Variants in SYNE1 observed in about 807,000 individuals in gnomAD.
SYNE1 encodes the protein spectrin repeat containing nuclear envelope protein 1.
SYNE1 carries 616 observed loss-of-function variants against 1,111.0 expected under a neutral mutation model. The ratio of observed to expected loss-of-function variants is 0.55; its 90% CI spans 0.52 to 0.59. The LOEUF is 0.59. Among genes scored for constraint, SYNE1 ranks in the 20% least tolerant of loss-of-function variants. The pLI, the probability that SYNE1 is intolerant of heterozygous loss-of-function variation, is 0.00. For missense variants in SYNE1, 10,006 were observed against 10,417.0 expected, an observed-to-expected ratio of 0.96 and a Z score of 1.72; for synonymous variants, 3,855 against 3,825.8, an observed-to-expected ratio of 1.01 and a Z score of -0.28.
intron 126 of SYNE1, among the ~76,000 whole-genome samples, chr6:152,205,604 G>C (rs186236238): frequency 6.6e-6 from 1 of 152,324 alleles, no homozygotes; most frequent in Non-Finnish European, 1.5e-5. Context: ...AGAGAGAAAA[G>C]CATATTGTGG....
chr6:152,272,988 C>G (rs1276324159), intron 98 of SYNE1, among the ~76,000 whole-genome samples: 1 of 152,148 alleles, frequency 6.6e-6, no homozygotes, highest in Non-Finnish European at 1.5e-5. Flanking sequence ...GAAAAACAAT[C>G]TTCCAGGAAG....
At position 152,323,221 on chromosome 6, in the gene SYNE1, C is replaced by A. The variant is rs1004536768; in HGVS notation, c.15917+257G>T. On this transcript the variant is annotated intron_variant, in intron 82 of 145. Transcript: ENST00000367255. ...ATCCCAGCACTCTGGGAGGCCGAGG[C>A]GGGCGGATCACGAGGTCAGGAGATC... Among the ~76,000 whole-genome samples, 13 of 152,172 alleles carry A rather than the reference C, an allele frequency of 8.5e-5. No individual in the cohort carries two copies. The South Asian group carries it at 1.9e-3, about 22-fold the overall frequency.
At chr6:152,565,930 T>C (rs1167463381) in intron 3 of SYNE1, among the ~76,000 whole-genome samples, 1 of 152,242 alleles carries the variant, frequency 6.6e-6, no homozygotes, top group Non-Finnish European at 1.5e-5. Flanking sequence ...AAACATTTAC[T>C]GCACACAAAT....
chr6:152,298,522 T>C (rs903427033), intron 93 of SYNE1, among the ~76,000 whole-genome samples: 3 of 152,144 alleles, frequency 2.0e-5, no homozygotes, highest in East Asian at 1.9e-4. Flanking sequence ...CAGGTAGTTA[T>C]ATAACGGAGA....
rs1242332410 is a variant in SYNE1, at chr6:152,130,583, G to A, written c.26153+137C>T. The A allele has an allele frequency of 7.3e-6, 6 of 825,230 alleles. No individual in the cohort carries two copies. The Admixed American group carries it at 1.2e-4, about 17-fold the overall frequency. The allele number at this position is 825,230 out of a possible 1,614,324, so 51.1% of individuals were successfully genotyped here. A position where few individuals can be genotyped will look rare whatever the true frequency, so the allele number is the denominator to read the frequency against. On this transcript the variant is annotated intron_variant, in intron 145 of 145. Coordinates refer to ENST00000367255, the MANE Select transcript of SYNE1 (RefSeq NM_182961.4). The stretch of plus-strand genomic sequence containing the variant: ...CAGAAACTTCTCTTCCAATGTATGA[G>A]GAAAGGGTGTGGACTGAAATGAGTA...
chr6:152,621,472 A>C (rs2099675129), intron 3 of SYNE1, among the ~76,000 whole-genome samples: 2 of 152,182 alleles, frequency 1.3e-5, no homozygotes, highest in African/African-American at 4.8e-5. Flanking sequence ...AGGTGCAATA[A>C]AGTGAATTTA....
intron 137 of SYNE1, chr6:152,143,977 C>A: frequency 1.6e-6 from 1 of 644,606 alleles, no homozygotes; most frequent in Non-Finnish European, 2.7e-6. Context: ...AGAGCCCTAG[C>A]AGATCGGACG....
At chr6:152,145,097 AG>A (rs2059237291) in intron 137 of SYNE1, 1 of 312,684 alleles carries the variant, frequency 3.2e-6, no homozygotes, top group African/African-American at 2.2e-5. Flanking sequence ...ACTTGGGACC[AG>A]AGCCTGCACC....
chr6:152,276,878 CTTTTTT>C (rs539497198), intron 98 of SYNE1, among the ~76,000 whole-genome samples: 3 of 102,162 alleles, frequency 2.9e-5, no homozygotes, highest in Admixed American at 1.1e-4. Flanking sequence ...ACTCTGCACT[CTTTTTT>C]TTTTTTTTTT....
At chr6:152,364,690 A>AAGGAAGGAAGGG (rs2097023595) in intron 63 of SYNE1, among the ~76,000 whole-genome samples, 157 bp downstream of exon 63, 1 of 89,688 alleles carries the variant, frequency 1.1e-5, no homozygotes, top group Non-Finnish European at 2.6e-5. Context: ...AGGAAGGAGG[A>AAGGAAGGAAGGG]AGGAAGGAAG....
chr6:152,623,052 A>T (rs1268176230), intron 3 of SYNE1, among the ~76,000 whole-genome samples: 3 of 152,108 alleles, frequency 2.0e-5, no homozygotes, highest in Non-Finnish European at 4.4e-5. Flanking sequence ...AAGGCGTCCT[A>T]AGCAAAAGAA....
At chr6:152,270,161 T>C (rs1244460675) in intron 98 of SYNE1, among the ~76,000 whole-genome samples, 4 of 152,158 alleles carry the variant, frequency 2.6e-5, no homozygotes, top group African/African-American at 9.7e-5. Context: ...TCTTTGAGAG[T>C]CTGCTGTTTA....
intron 51 of SYNE1, 94 bp downstream of exon 51, chr6:152,395,422 A>G (rs1052826539): frequency 3.7e-6 from 5 of 1,354,862 alleles, no homozygotes; most frequent in Middle Eastern, 1.9e-4. Context: ...CCCACAAACC[A>G]ACTAACTAAC....
In SYNE1 at chr6:152,244,572, C is replaced by T. The variant is rs767268218; in HGVS notation, c.19657G>A (p.Glu6553Lys). 9.9e-6 allele frequency: 16 copies of T among 1,614,064 alleles called. 1 individual carries two copies. The highest frequency in any genetic ancestry group is 4.5e-5 in the East Asian group (2 of 44,874). The change falls in exon 106 of 146, where the codon GAG becomes AAG. Residue 6553 changes from glutamate (E) to lysine (K), a missense_variant. Glu to Lys is a moderately conservative substitution (Grantham distance 56). Transcript: ENST00000367255. ...LKRRGDKLQV[E>K]QPSMQELSKL... ...GAGAGTTCTTGCATGGACGGCTGCT[C>T]GACCTGTAGCTTGTCACCACGCCTC... is the stretch of plus-strand genomic sequence containing the variant.
At chr6:152,392,360 T>C (rs1175903466) in intron 51 of SYNE1, among the ~76,000 whole-genome samples, 1 of 152,200 alleles carries the variant, frequency 6.6e-6, no homozygotes, top group Non-Finnish European at 1.5e-5. Flanking sequence ...GGAGCCATGT[T>C]AATTAGATCA....
intron 115 of SYNE1, among the ~76,000 whole-genome samples, chr6:152,227,013 A>G (rs779625166): frequency 6.6e-6 from 1 of 152,206 alleles, no homozygotes; most frequent in Non-Finnish European, 1.5e-5. Flanking sequence ...TGTATAAAAA[A>G]TATTTTCACC....
intron 59 of SYNE1, among the ~76,000 whole-genome samples, chr6:152,370,909 A>C (rs1044038571): frequency 6.6e-6 from 1 of 152,216 alleles, no homozygotes; most frequent in Non-Finnish European, 1.5e-5. Flanking sequence ...TGTAAGAATC[A>C]TTTGAAAAGT....
chr6:152,269,121 T>C, intron 99 of SYNE1, 34 bp downstream of exon 99: 1 of 1,614,092 alleles, frequency 6.2e-7, no homozygotes, highest in African/African-American at 1.3e-5. Context: ...TCTGGGCAGA[T>C]CTGCAAGCTA....
intron 98 of SYNE1, among the ~76,000 whole-genome samples, chr6:152,275,492 C>G (rs970399622): frequency 3.3e-5 from 5 of 152,130 alleles, no homozygotes; most frequent in Non-Finnish European, 5.9e-5. Flanking sequence ...CATACCAAAT[C>G]TCTTTCTGGA....
Sources: gnomAD v4.1 joint callset for allele counts (sites outside exome capture counted in the v4.1 genomes callset) on GRCh38, gnomAD v4.1.1 for gene constraint, MANE v1.5 for transcripts, NCBI Gene and HGNC (gene_info 2026-07-23, HGNC 2026-07-21) for gene names.